GALK2: variants seen among roughly 807,000 people sequenced by gnomAD.
The protein encoded by GALK2 is N-acetylgalactosamine kinase.
Under a neutral mutation model 52.4 loss-of-function variants are expected in GALK2, and 36 were observed. The ratio of observed to expected loss-of-function variants is 0.69; its 90% CI spans 0.53 to 0.91. The LOEUF (loss-of-function observed/expected upper bound fraction) is 0.91, where lower values mean the gene tolerates loss of function less well. Ranked by LOEUF, GALK2 falls within the 40% of genes least tolerant of loss-of-function variation. The pLI, the probability that GALK2 is intolerant of heterozygous loss-of-function variation, is 0.00. For missense variants in GALK2, 579 were observed against 559.1 expected (o/e 1.04, Z -0.36); for synonymous variants, 176 against 199.1 (o/e 0.88, Z 0.98).
chr15:49,197,290 C>A (rs1354875046), intron 1 of GALK2, among the ~76,000 whole-genome samples: 1 of 152,146 alleles, frequency 6.6e-6, no homozygotes, highest in Admixed American at 6.5e-5. Context: ...TACATTCAGT[C>A]CTATTTTAGG....
At chr15:49,271,017 A>G (rs2030481873) in intron 5 of GALK2, among the ~76,000 whole-genome samples, 1 of 152,170 alleles carries the variant, frequency 6.6e-6, no homozygotes, top group East Asian at 1.9e-4. Context: ...GGGTTCCTCT[A>G]TCCATGGGAA....
In GALK2 at chr15:49,328,191, A is replaced by T; in HGVS notation, c.*32A>T. ...GTAAAAAGTCTGAGAGAAACTACTTAGGGCACTTAGGAATTGGCAGGACTT... is the reference window on the plus strand; with the variant it reads ...GTAAAAAGTCTGAGAGAAACTACTTTGGGCACTTAGGAATTGGCAGGACTT... On this transcript the variant is annotated 3_prime_UTR_variant, in exon 10 of 10. Coordinates refer to ENST00000560031, the MANE Select transcript of GALK2 (RefSeq NM_002044.4). The T allele has an allele frequency of 6.3e-7, 1 of 1,584,160 alleles. No homozygotes were observed. The highest frequency in any genetic ancestry group is 8.6e-7 in the Non-Finnish European group (1 of 1,163,144).
At chr15:49,156,297 G>A in intron 1 of GALK2, 1 of 448,572 alleles carries the variant, frequency 2.2e-6, no homozygotes, top group Non-Finnish European at 4.1e-6. Context: ...ATACATTACT[G>A]TGAACCTGAG....
chr15:49,235,576 A>G, intron 3 of GALK2: 1 of 568,554 alleles, frequency 1.8e-6, no homozygotes, highest in Admixed American at 2.2e-5. Context: ...CATGAAAGAG[A>G]AAATAGTTGT....
rs150825985 is a variant in GALK2 at position 49,354,551 on chromosome 15, C to T, written c.427-12940C>T. Among the ~76,000 whole-genome samples, 50 of 152,350 alleles carry T rather than the reference C, an allele frequency of 3.3e-4. No homozygotes were observed. The South Asian group carries it at 3.5e-3, about 11-fold the overall frequency. ...GCACTTTTCCGACCGGCTTAAAAAA[C>T]GGCGCACCACGAGATTATATCCCGC... is the stretch of plus-strand genomic sequence containing the variant. On this transcript the variant is annotated intron_variant, in intron 3 of 3. Transcript: ENST00000558399.
intron 8 of GALK2, among the ~76,000 whole-genome samples, chr15:49,313,775 T>A (rs2036186533): frequency 6.6e-6 from 1 of 152,214 alleles, no homozygotes; most frequent in Admixed American, 6.5e-5. Flanking sequence ...GCTTATGGCA[T>A]CCCTCTTAGT....
intron 7 of GALK2, among the ~76,000 whole-genome samples, chr15:49,287,855 G>T (rs1567023787): frequency 1.3e-5 from 2 of 152,080 alleles, no homozygotes; most frequent in Non-Finnish European, 1.5e-5. Context: ...ACACAGAGAA[G>T]TACACTAAAC....
chr15:49,323,861 T>G (rs1182470690), intron 9 of GALK2, among the ~76,000 whole-genome samples: 1 of 152,206 alleles, frequency 6.6e-6, no homozygotes, highest in African/African-American at 2.4e-5. Context: ...AGTGAGGCTT[T>G]TTTAAAAAAT....
intron 3 of GALK2, among the ~76,000 whole-genome samples, chr15:49,357,604 C>T (rs1259089997): frequency 1.3e-5 from 2 of 150,498 alleles, no homozygotes; most frequent in East Asian, 2.0e-4. Context: ...CAATAGCTTA[C>T]CAACCAAAAA....
chr15:49,240,390 G>T (rs34606419), intron 5 of GALK2, among the ~76,000 whole-genome samples: 28,260 of 152,012 alleles, frequency 0.19, 2,787 homozygotes, highest in Non-Finnish European at 0.21. Flanking sequence ...TGGCTATTTT[G>T]TGCCAGATAA....
intron 8 of GALK2, among the ~76,000 whole-genome samples, chr15:49,300,536 G>A (rs771065405): frequency 2.6e-5 from 4 of 152,028 alleles, no homozygotes; most frequent in Non-Finnish European, 5.9e-5. Context: ...AGTTGATATG[G>A]TTTGGCTGTG....
At position 49,330,468 on chromosome 15, in the gene GALK2, G is replaced by A. The variant is rs2038458654; in HGVS notation, c.*2309G>A. 2 of 152,190 alleles carry A rather than the reference G, an allele frequency of 1.3e-5. No homozygotes were observed. The highest frequency in any genetic ancestry group is 2.9e-5 in the Non-Finnish European group (2 of 68,038). The allele number at this position is 152,190 out of a possible 1,614,324, so 9.4% of individuals were successfully genotyped here. On this transcript the variant is annotated 3_prime_UTR_variant, in exon 10 of 10. Transcript: ENST00000560031. ...GATTACTCAGAATCTGGATTACTGA[G>A]TGGTGGAATATCTGATACTACTTGT... is the stretch of plus-strand genomic sequence containing the variant.
At chr15:49,223,789 T>A (rs555450561) in intron 3 of GALK2, among the ~76,000 whole-genome samples, 3 of 152,328 alleles carry the variant, frequency 2.0e-5, no homozygotes, top group Admixed American at 2.0e-4. Flanking sequence ...CAGCCCACCA[T>A]TGATGGGCAC....
At position 49,328,504 on chromosome 15, in the gene GALK2, C is replaced by T. The variant is rs1293867643; in HGVS notation, c.*345C>T. 14 of 1,589,508 alleles carry T rather than the reference C, an allele frequency of 8.8e-6. No homozygotes were observed. The highest frequency in any genetic ancestry group is 1.1e-5 in the Non-Finnish European group (13 of 1,165,902). ...TGGACTTGAATTAAATATATTGTTA[C>T]AATTAAACTGATACCACTGAATTGT... On this transcript the variant is annotated 3_prime_UTR_variant, in exon 10 of 10. Coordinates refer to ENST00000560031, the MANE Select transcript of GALK2 (RefSeq NM_002044.4).
chr15:49,274,871 C>A (rs970507974), intron 5 of GALK2, among the ~76,000 whole-genome samples: 1 of 152,132 alleles, frequency 6.6e-6, no homozygotes, highest in Admixed American at 6.5e-5. Flanking sequence ...GGAAGGTCTT[C>A]AGGGGCAATA....
In GALK2 at chr15:49,235,843, C is replaced by T; in HGVS notation, c.267-8C>T. The T allele has an allele frequency of 6.3e-7, 1 of 1,597,504 alleles. No individual in the cohort carries two copies. The highest frequency in any genetic ancestry group is 8.6e-7 in the Non-Finnish European group (1 of 1,166,232). Reference sequence around the variant, plus strand: ...ATTTTAAATTAATGGTGTCTTTTGTCTTCGCAGGGACTTCAGTACTAGTGC... The same window carrying T: ...ATTTTAAATTAATGGTGTCTTTTGTTTTCGCAGGGACTTCAGTACTAGTGC... On this transcript the variant is annotated splice_region_variant and splice_polypyrimidine_tract_variant and intron_variant, in intron 3 of 9. Coordinates refer to ENST00000560031, the MANE Select transcript of GALK2 (RefSeq NM_002044.4).
rs149705399 is a variant in GALK2 at position 49,322,728 on chromosome 15, C to T, written c.1169+2923C>T. ...ATCCCAGCACTTTGGGAGGCCAAGG[C>T]GGGCAGATCATGAGGTCAGGAGATC... On this transcript the variant is annotated intron_variant, in intron 9 of 9. Coordinates refer to ENST00000560031, the MANE Select transcript of GALK2 (RefSeq NM_002044.4). 2.5e-3 allele frequency among the ~76,000 whole-genome samples: 384 copies of T among 152,144 alleles called. 1 individual carries two copies. Among genetic ancestry groups the T allele is most frequent in the African/African-American group, 8.8e-3 (365 of 41,526 alleles).
chr15:49,212,397 C>G (rs2088992285), intron 2 of GALK2, among the ~76,000 whole-genome samples: 1 of 152,034 alleles, frequency 6.6e-6, no homozygotes, highest in Non-Finnish European at 1.5e-5. Flanking sequence ...CACCTGGCCT[C>G]TTTTTTACTT....
intron 5 of GALK2, among the ~76,000 whole-genome samples, chr15:49,281,374 G>A (rs183843854): frequency 2.7e-4 from 41 of 152,254 alleles, no homozygotes; most frequent in Non-Finnish European, 4.7e-4. Flanking sequence ...TGGTTGAGGC[G>A]TTTAGATTTA....
Sources: gnomAD v4.1 joint callset for allele counts (sites outside exome capture counted in the v4.1 genomes callset) on GRCh38, gnomAD v4.1.1 for gene constraint, MANE v1.5 for transcripts, NCBI Gene and HGNC (gene_info 2026-07-23, HGNC 2026-07-21) for gene names.